TUT7: variants seen among roughly 807,000 people sequenced by gnomAD.
TUT7 encodes terminal uridylyltransferase 7.
A neutral mutation model predicts 165.9 loss-of-function variants in TUT7; 33 were observed. That is an observed-to-expected ratio of 0.20 (90% CI 0.15 to 0.27). The LOEUF (loss-of-function observed/expected upper bound fraction) is 0.27. Among genes scored for constraint, TUT7 ranks in the 10% least tolerant of loss-of-function variants. TUT7 has a pLI of 1.00. For synonymous variants in TUT7, 552 were observed against 608.1 expected (o/e 0.91, Z 1.36); for missense variants, 1,338 against 1,762.3 (o/e 0.76, Z 4.31).
At position 86,343,065 on chromosome 9, in the gene TUT7, T is replaced by C; in HGVS notation, c.1086+10A>G. On this transcript the variant is annotated intron_variant, in intron 6 of 26. Coordinates refer to ENST00000375963, the MANE Select transcript of TUT7 (RefSeq NM_024617.4). The stretch of plus-strand genomic sequence containing the variant: ...ACTCTGAAAGTGCCAGCATTTCATT[T>C]TGTACTTACAATGGCTGGAAACTGG... 1.3e-6 allele frequency: 2 copies of C among 1,576,724 alleles called. No individual in the cohort carries two copies. Among genetic ancestry groups the C allele is most frequent in the African/African-American group, 1.4e-5 (1 of 73,816 alleles).
At chr9:86,294,891 A>C (rs1470601271) in intron 26 of TUT7, among the ~76,000 whole-genome samples, 1 of 151,850 alleles carries the variant, frequency 6.6e-6, no homozygotes, top group Non-Finnish European at 1.5e-5. Flanking sequence ...ATTTTTAATT[A>C]AAATTTGTAA....
Position 86,352,719 on chromosome 9 carries a change from T to C in TUT7, c.481A>G (p.Ser161Gly). ...VRRLFHKDLTSLETTSEMEAG... is the reference protein window; with the variant it reads ...VRRLFHKDLTGLETTSEMEAG... Reference sequence around the variant, plus strand: ...TCCATTTCTGACGTGGTTTCTAGGCTTGTTAGGTCTTTATGAAACAGTCGT... The same window carrying C: ...TCCATTTCTGACGTGGTTTCTAGGCCTGTTAGGTCTTTATGAAACAGTCGT... The change falls in exon 2 of 27, where the codon AGC becomes GGC. Residue 161 changes from serine (S) to glycine (G), a missense_variant. By Grantham distance (56) the Ser-to-Gly change is moderately conservative. Transcript: ENST00000375963. 1 of 1,614,242 alleles carries C rather than the reference T, an allele frequency of 6.2e-7. No individual in the cohort carries two copies. The highest frequency in any genetic ancestry group is 1.3e-5 in the African/African-American group (1 of 75,078).
chr9:86,300,322 T>C (rs574619923), intron 26 of TUT7, among the ~76,000 whole-genome samples: 193 of 152,342 alleles, frequency 1.3e-3, no homozygotes, highest in African/African-American at 4.5e-3. Context: ...AAGAGAGGTA[T>C]TCTTGTTCCA....
At chr9:86,340,409 AC>A (rs1831229362) in intron 7 of TUT7, among the ~76,000 whole-genome samples, 1 of 152,258 alleles carries the variant, frequency 6.6e-6, no homozygotes, top group South Asian at 2.1e-4. Flanking sequence ...ACATTTAAAA[AC>A]AAAGTTGCTG....
intron 8 of TUT7, among the ~76,000 whole-genome samples, chr9:86,339,233 T>C (rs1831110279): frequency 6.6e-6 from 1 of 152,172 alleles, no homozygotes; most frequent in South Asian, 2.1e-4. Flanking sequence ...GAAAATATTA[T>C]CAAATGTTTC....
In TUT7 at chr9:86,345,077, A is replaced by G; in HGVS notation, c.897T>C (p.Ile299=). Residue 299 remains isoleucine, a synonymous_variant, in exon 5 of 27, where the codon ATT becomes ATC. Transcript: ENST00000375963. ...AGCCAAATTCCTGTACCACTTTGTC[A>G]ATGGCAATGCCAACTGCATTTATCT... is the stretch of plus-strand genomic sequence containing the variant. The part of the protein sequence containing the change: ...PSQINAVGIA[I]DKVVQEFGLH... 1 of 1,613,874 alleles carries G rather than the reference A, an allele frequency of 6.2e-7. No homozygotes were observed. The highest frequency in any genetic ancestry group is 8.5e-7 in the Non-Finnish European group (1 of 1,179,908).
intron 23 of TUT7, 33 bp from the exon 24 acceptor site, chr9:86,304,980 G>T (rs1480067968): frequency 2.0e-6 from 3 of 1,476,570 alleles, no homozygotes; most frequent in African/African-American, 2.8e-5. Context: ...ACTTAGGCGG[G>T]TTAAAAGGAA....
chr9:86,320,536 T>C (rs1473119269), intron 14 of TUT7, among the ~76,000 whole-genome samples: 4 of 152,314 alleles, frequency 2.6e-5, no homozygotes, highest in Non-Finnish European at 4.4e-5. Context: ...TTCAATATGC[T>C]AATATGTCCT....
At chr9:86,326,562 CTG>C (rs1218031713) in intron 11 of TUT7, 3 of 154,586 alleles carry the variant, frequency 1.9e-5, no homozygotes, top group African/African-American at 7.2e-5. Flanking sequence ...TGGTTGCTCT[CTG>C]TATTTTTTCC....
rs573605478 is a variant in TUT7, at chr9:86,320,210, G to C, written c.3029-540C>G. On this transcript the variant is annotated intron_variant, in intron 14 of 26. Coordinates refer to ENST00000375963, the MANE Select transcript of TUT7 (RefSeq NM_024617.4). ...TTGCATGTATTTTTTTCCCTAAGGA[G>C]AACCTAGTTTTTTTAATAGCTCATA... 6.3e-5 allele frequency among the ~76,000 whole-genome samples: 8 copies of C among 126,634 alleles called. 1 individual carries two copies. The South Asian group carries it at 2.1e-3, about 33-fold the overall frequency. 83.1% of individuals were successfully genotyped at this position (126,634 alleles called of 152,430 possible).
chr9:86,315,989 G>A (rs577416982), intron 17 of TUT7, among the ~76,000 whole-genome samples: 1 of 152,234 alleles, frequency 6.6e-6, no homozygotes, highest in South Asian at 2.1e-4. Context: ...CTAGGTGTGT[G>A]TGCACGTTCA....
intron 18 of TUT7, among the ~76,000 whole-genome samples, chr9:86,310,306 T>C (rs1156312014): frequency 6.7e-6 from 1 of 148,466 alleles, no homozygotes; most frequent in Admixed American, 6.7e-5. Flanking sequence ...GAAATTAACC[T>C]TTTTTTTTTC....
rs115987253 is a variant in TUT7, at chr9:86,333,848, T to C, written c.1455+3571A>G. 7.9e-3 allele frequency among the ~76,000 whole-genome samples: 1,204 copies of C among 152,286 alleles called. 21 individuals are homozygous for C. The highest frequency in any genetic ancestry group is 0.028 in the African/African-American group (1,160 of 41,558). ...GGGTGAGGTTTTATGTTTATCTGGC[T>C]AGGAGTTAGGATGTTTATTGTTTTC... On this transcript the variant is annotated intron_variant, in intron 10 of 26. Coordinates refer to ENST00000375963, the MANE Select transcript of TUT7 (RefSeq NM_024617.4).
chr9:86,321,928 T>C (rs1001115404), intron 14 of TUT7, among the ~76,000 whole-genome samples: 2 of 151,968 alleles, frequency 1.3e-5, no homozygotes, highest in African/African-American at 4.8e-5. Context: ...ATGAAAAATT[T>C]AGTCAGGCAT....
chr9:86,317,892 G>C (rs1828872047), intron 16 of TUT7, among the ~76,000 whole-genome samples: 1 of 152,040 alleles, frequency 6.6e-6, no homozygotes, highest in South Asian at 2.1e-4. Flanking sequence ...TGTTACTTTA[G>C]AAATGCCCTC....
At chr9:86,326,228 G>A (rs1326603883) in intron 11 of TUT7, 1 of 152,350 alleles carries the variant, frequency 6.6e-6, no homozygotes, top group Non-Finnish European at 1.5e-5. Context: ...CAGTGGCTAA[G>A]AGAACAGGCT....
intron 19 of TUT7, 139 bp from the exon 20 acceptor site, chr9:86,309,715 A>G: frequency 1.1e-6 from 1 of 896,608 alleles, no homozygotes; most frequent in Non-Finnish European, 1.7e-6. Flanking sequence ...AACCAATCCA[A>G]CCTAGCAAAG....
chr9:86,318,131 G>C (rs1828900070), intron 16 of TUT7, among the ~76,000 whole-genome samples: 1 of 152,168 alleles, frequency 6.6e-6, no homozygotes, highest in Non-Finnish European at 1.5e-5. Flanking sequence ...CATTCATTTG[G>C]ATATTTAGCA....
At chr9:86,348,494 G>A (rs1831973444) in intron 2 of TUT7, among the ~76,000 whole-genome samples, 2 of 152,136 alleles carry the variant, frequency 1.3e-5, no homozygotes, top group African/African-American at 4.8e-5. Context: ...GGTCATGCCT[G>A]TAATTCCCAG....
Sources: allele counts gnomAD v4.1 joint callset (sites outside exome capture counted in the v4.1 genomes callset), GRCh38; gene constraint gnomAD v4.1.1; transcripts MANE v1.5; gene names NCBI Gene and HGNC (gene_info 2026-07-23, HGNC 2026-07-21).